OTOG: variants seen among roughly 807,000 people sequenced by gnomAD.
OTOG encodes otogelin.
A neutral mutation model predicts 313.8 loss-of-function variants in OTOG; 296 were observed. The observed-to-expected ratio is 0.94, with a 90% confidence interval of 0.86 to 1.04. The LOEUF (loss-of-function observed/expected upper bound fraction) is 1.04. Among genes scored for constraint, OTOG ranks in the 50% least tolerant of loss-of-function variants. The pLI, the probability that OTOG is intolerant of heterozygous loss-of-function variation, is 0.00. For synonymous variants in OTOG, 1,533 were observed against 1,554.9 expected (o/e 0.99, Z 0.33); for missense variants, 3,948 against 3,840.1 (o/e 1.03, Z -0.74).
chr11:17,611,437 C>G lies in OTOG; in HGVS notation c.6123+14C>G. On this transcript the variant is annotated intron_variant, in intron 36 of 55. Coordinates refer to ENST00000399397, the MANE Select transcript of OTOG (RefSeq NM_001292063.2). Reference sequence around the variant, plus strand: ...ACCACCTGTGTTGTGAGTGATTTGCCAGGGTTCTGGCCACCCGTATGTGAC... The same window carrying G: ...ACCACCTGTGTTGTGAGTGATTTGCGAGGGTTCTGGCCACCCGTATGTGAC... 1 of 1,500,354 alleles carries G rather than the reference C, an allele frequency of 6.7e-7. No individual in the cohort carries two copies. The highest frequency in any genetic ancestry group is 1.3e-5 in the South Asian group (1 of 77,046). The allele number at this position is 1,500,354 out of a possible 1,614,324, so 92.9% of individuals were successfully genotyped here.
At chr11:17,583,513 G>A (rs768132883) in intron 23 of OTOG, among the ~76,000 whole-genome samples, 1 of 152,150 alleles carries the variant, frequency 6.6e-6, no homozygotes, top group Non-Finnish European at 1.5e-5. Context: ...GTCAAGGTAT[G>A]TTTTATTTTA....
intron 51 of OTOG, among the ~76,000 whole-genome samples, chr11:17,641,568 A>T (rs1847971750): frequency 6.6e-6 from 1 of 152,200 alleles, no homozygotes; most frequent in Admixed American, 6.5e-5. Context: ...TCCTACAGGA[A>T]CTAAGACTCA....
In OTOG at chr11:17,642,257, C is replaced by G; in HGVS notation, c.8415+11C>G. 1.3e-6 allele frequency: 2 copies of G among 1,545,300 alleles called. No individual in the cohort carries two copies. Among genetic ancestry groups the G allele is most frequent in the Non-Finnish European group, 1.7e-6 (2 of 1,143,718 alleles). On this transcript the variant is annotated intron_variant, in intron 53 of 55. Coordinates refer to ENST00000399397, the MANE Select transcript of OTOG (RefSeq NM_001292063.2). ...ACTGAGTGTGCCAAGGTCAGTGCCT[C>G]CTTCTCCACTGAGGCTGTAGGCCAG... is the stretch of plus-strand genomic sequence containing the variant.
Position 17,591,450 on chromosome 11 carries a change from T to C in OTOG, c.2868T>C (p.Cys956=). 6.4e-7 allele frequency: 1 copy of C among 1,550,740 alleles called. No individual in the cohort carries two copies. The highest frequency in any genetic ancestry group is 8.7e-7 in the Non-Finnish European group (1 of 1,147,024). The stretch of plus-strand genomic sequence containing the variant: ...TCTGGTCTGGGCATGTGTTTTTCAG[T>C]GTGTGCCAGCGGGGCTCATTCCAGT... ...GDQVMSPCHT[C]VCQRGSFQCT... Residue 956 remains cysteine, a splice_region_variant and synonymous_variant, in exon 25 of 56, where the codon TGT becomes TGC. Transcript: ENST00000399397.
intron 30 of OTOG, among the ~76,000 whole-genome samples, chr11:17,597,970 A>G (rs1853154466): frequency 6.6e-6 from 1 of 152,250 alleles, no homozygotes; most frequent in Admixed American, 6.5e-5. Context: ...CATTGCATGT[A>G]CAGCACTTGG....
chr11:17,585,336 G>A (rs926244968), intron 23 of OTOG, among the ~76,000 whole-genome samples: 3 of 152,120 alleles, frequency 2.0e-5, no homozygotes, highest in African/African-American at 7.2e-5. Context: ...ACTATCAGTA[G>A]AGTCTGTAGC....
At chr11:17,590,861 C>A (rs1425506639) in intron 24 of OTOG, among the ~76,000 whole-genome samples, 1 of 152,178 alleles carries the variant, frequency 6.6e-6, no homozygotes, top group Non-Finnish European at 1.5e-5. Flanking sequence ...ACTCTGTCAC[C>A]TCCTTTATGT....
At chr11:17,568,102 T>C (rs1852327285) in intron 15 of OTOG, among the ~76,000 whole-genome samples, 1 of 119,640 alleles carries the variant, frequency 8.4e-6, no homozygotes, top group African/African-American at 4.2e-5. Flanking sequence ...GGAGATGGGG[T>C]TTCACCGTGT....
chr11:17,569,095 C>G (rs1422081468), intron 15 of OTOG, 61 bp from the exon 16 acceptor site: 4 of 1,541,482 alleles, frequency 2.6e-6, no homozygotes, highest in Middle Eastern at 1.9e-4. Context: ...CTAGAGGGCT[C>G]TGTTGTATCC....
At chr11:17,573,989 C>G (rs1158368911) in intron 19 of OTOG, among the ~76,000 whole-genome samples, 3 of 152,220 alleles carry the variant, frequency 2.0e-5, no homozygotes, top group Non-Finnish European at 4.4e-5. Flanking sequence ...ACCATAGGAG[C>G]TTTCAAAAGA....
rs148965207 is a variant in OTOG, at chr11:17,619,874, C to T, written c.6528+6173C>T. On this transcript the variant is annotated intron_variant, in intron 39 of 55. Coordinates refer to ENST00000399397, the MANE Select transcript of OTOG (RefSeq NM_001292063.2). ...CCTTTGTGTAAATCTAGATTTGCATCTGGTATCATTTTTCTTCTGCTCGAA... is the reference window on the plus strand; with the variant it reads ...CCTTTGTGTAAATCTAGATTTGCATTTGGTATCATTTTTCTTCTGCTCGAA... Among the ~76,000 whole-genome samples the T allele has an allele frequency of 1.3e-4, 20 of 152,228 alleles. No individual in the cohort carries two copies. The East Asian group carries it at 3.9e-3, about 29-fold the overall frequency.
chr11:17,553,546 C>T, intron 6 of OTOG, 27 bp downstream of exon 6: 1 of 1,414,790 alleles, frequency 7.1e-7, no homozygotes, highest in Non-Finnish European at 9.2e-7. Context: ...CTTGCCTGTC[C>T]AGGAATGCTT....
At chr11:17,603,922 C>T (rs1312481953) in intron 32 of OTOG, among the ~76,000 whole-genome samples, 1 of 152,128 alleles carries the variant, frequency 6.6e-6, no homozygotes, top group Non-Finnish European at 1.5e-5. Flanking sequence ...AATAATCATA[C>T]GTTGCCCTTC....
intron 30 of OTOG, among the ~76,000 whole-genome samples, chr11:17,598,191 G>A (rs1853158907): frequency 6.6e-6 from 1 of 152,162 alleles, no homozygotes; most frequent in African/African-American, 2.4e-5. Context: ...TGATTGAGGT[G>A]CTTACCTGGG....
rs1330558777 is a variant in OTOG, at chr11:17,611,004, C to T, written c.5704C>T (p.Pro1902Ser). Residue 1902 changes from proline (P) to serine (S), a missense_variant, in exon 36 of 56, where the codon CCA becomes TCA. Pro to Ser is a moderately conservative substitution (Grantham distance 74). Coordinates refer to ENST00000399397, the MANE Select transcript of OTOG (RefSeq NM_001292063.2). ...CACGGCCTCCATGGTATCTGTTGTCCCACGAAAGAGCACCACAGGGAAGGT... is the reference window on the plus strand; with the variant it reads ...CACGGCCTCCATGGTATCTGTTGTCTCACGAAAGAGCACCACAGGGAAGGT... ...EGTASMVSVV[P>S]RKSTTGKVAI... 1 of 1,550,568 alleles carries T rather than the reference C, an allele frequency of 6.4e-7. No individual in the cohort carries two copies. Among genetic ancestry groups the T allele is most frequent in the Admixed American group, 2.0e-5 (1 of 51,010 alleles).
chr11:17,621,811 C>A (rs1449867403), intron 39 of OTOG, among the ~76,000 whole-genome samples: 2 of 152,180 alleles, frequency 1.3e-5, no homozygotes, highest in African/African-American at 4.8e-5. Context: ...GGATCACTCT[C>A]CTGCATTGCC....
At chr11:17,632,383 G>A (rs1450444488) in intron 42 of OTOG, among the ~76,000 whole-genome samples, 157 bp downstream of exon 42, 1 of 151,854 alleles carries the variant, frequency 6.6e-6, no homozygotes. Flanking sequence ...TATTTCATAT[G>A]TTTAATTTAT....
At chr11:17,605,641 C>T (rs1853363811) in intron 32 of OTOG, among the ~76,000 whole-genome samples, 1 of 152,072 alleles carries the variant, frequency 6.6e-6, no homozygotes, top group Non-Finnish European at 1.5e-5. Flanking sequence ...GCTGGGGGGT[C>T]TCTAAGCCTC....
At chr11:17,620,436 G>C (rs1853835952) in intron 39 of OTOG, among the ~76,000 whole-genome samples, 1 of 152,094 alleles carries the variant, frequency 6.6e-6, no homozygotes, top group African/African-American at 2.4e-5. Context: ...TATTTTTATG[G>C]CTGGAATAAT....
Sources: gnomAD v4.1 joint callset for allele counts (sites outside exome capture counted in the v4.1 genomes callset) on GRCh38, gnomAD v4.1.1 for gene constraint, MANE v1.5 for transcripts, NCBI Gene and HGNC (gene_info 2026-07-23, HGNC 2026-07-21) for gene names.